The following TRANK1 variants were observed in gnomAD, a reference collection of about 807,000 sequenced individuals.
TRANK1 encodes TPR and ankyrin repeat-containing protein 1.
In TRANK1, 198 loss-of-function variants were observed where a neutral mutation model predicts 266.0. The observed-to-expected ratio is 0.74, with a 90% CI of 0.66 to 0.84. The LOEUF (loss-of-function observed/expected upper bound fraction) is 0.84. Among genes scored for constraint, TRANK1 ranks in the 40% least tolerant of loss-of-function variants. The pLI, the probability that TRANK1 is intolerant of heterozygous loss-of-function variation, is 0.00. For synonymous variants in TRANK1, 1,396 were observed against 1,384.1 expected (o/e 1.01, Z -0.19); for missense variants, 3,326 against 3,634.6 (o/e 0.92, Z 2.18).
chr3:36,827,606 T>C lies in TRANK1; in HGVS notation c.*669A>G, dbSNP rs1220520313. On this transcript the variant is annotated 3_prime_UTR_variant, in exon 24 of 24. Transcript: ENST00000645898. ...AACACTGGGTGAATTCTTGACTACA[T>C]TCTGAGGTAGTCTAACTGTGACTTG... The C allele has an allele frequency of 2.0e-5, 3 of 152,298 alleles. No homozygotes were observed. Among genetic ancestry groups the C allele is most frequent in the Non-Finnish European group, 4.4e-5 (3 of 68,020 alleles). 9.4% of individuals were successfully genotyped at this position (152,298 alleles called of 1,614,324 possible). A position where few individuals can be genotyped will look rare whatever the true frequency, so the allele number is the denominator to read the frequency against.
chr3:36,835,056 A>T, intron 20 of TRANK1, 149 bp from the exon 21 acceptor site: 1 of 822,350 alleles, frequency 1.2e-6, no homozygotes, highest in South Asian at 2.1e-5. Context: ...GTGGTGGCTC[A>T]CGCCTGTAAT....
chr3:36,870,418 A>AG (rs1422917287), intron 9 of TRANK1, among the ~76,000 whole-genome samples: 1 of 131,906 alleles, frequency 7.6e-6, no homozygotes, highest in Non-Finnish European at 1.6e-5. Context: ...AAAAAAAAAA[A>AG]AAAGAGAGAG....
Position 36,834,771 on chromosome 3 carries a change from G to A in TRANK1, c.5654C>T (p.Ala1885Val). The A allele has an allele frequency of 6.2e-7, 1 of 1,611,032 alleles. No homozygotes were observed. Among genetic ancestry groups the A allele is most frequent in the Non-Finnish European group, 8.5e-7 (1 of 1,179,084 alleles). The change falls in exon 21 of 24, where the codon GCA (alanine) becomes GTA (valine). Residue 1885 changes from alanine (A) to valine (V), a missense_variant. By Grantham distance (64) the Ala-to-Val change is moderately conservative. Coordinates refer to ENST00000645898, the MANE Select transcript of TRANK1 (RefSeq NM_001329998.2). Reference protein sequence around the residue: ...QEELFEEAAIAVEKYEEMLKT... With the variant: ...QEELFEEAAIVVEKYEEMLKT... ...GAATAAAACCACCTACTTTTCCACT[G>A]CAATAGCAGCTTCTTCAAAAAGCTC...
At chr3:36,869,823 C>A (rs546271702) in intron 9 of TRANK1, among the ~76,000 whole-genome samples, 8 of 152,368 alleles carry the variant, frequency 5.3e-5, no homozygotes, top group African/African-American at 1.9e-4. Context: ...CACATTTCAA[C>A]TGCTCAACAG....
chr3:36,942,444 G>T (rs1270276153), intron 1 of TRANK1, among the ~76,000 whole-genome samples: 4 of 141,924 alleles, frequency 2.8e-5, no homozygotes, highest in Admixed American at 7.6e-5. Flanking sequence ...TGAATCCAAG[G>T]CTGCAGTAGG....
chr3:36,867,854 G>T (rs1388342573), intron 9 of TRANK1, among the ~76,000 whole-genome samples: 1 of 152,202 alleles, frequency 6.6e-6, no homozygotes, highest in Non-Finnish European at 1.5e-5. Flanking sequence ...ACATCGATGA[G>T]AAAACAAATT....
chr3:36,916,870 C>T (rs2080133756), intron 1 of TRANK1, among the ~76,000 whole-genome samples: 1 of 151,568 alleles, frequency 6.6e-6, no homozygotes, highest in South Asian at 2.1e-4. Flanking sequence ...GCCTGGAGTG[C>T]AGTGGTGCAA....
At chr3:36,905,240 G>A (rs1368853022) in intron 2 of TRANK1, among the ~76,000 whole-genome samples, 23 of 150,030 alleles carry the variant, frequency 1.5e-4, no homozygotes, top group East Asian at 1.4e-3. Context: ...GCAGTGAGCC[G>A]AGATCGTGCC....
Position 36,833,133 on chromosome 3 carries a change from C to G in TRANK1, c.6450G>C (p.Glu2150Asp), listed in dbSNP as rs545333589. Residue 2150 changes from glutamate (E) to aspartate (D), a missense_variant, in exon 22 of 24, where the codon GAG (glutamate) becomes GAC (aspartate). Physicochemically the swap from Glu to Asp is conservative, Grantham distance 45. Coordinates refer to ENST00000645898, the MANE Select transcript of TRANK1 (RefSeq NM_001329998.2). Reference sequence around the variant, plus strand: ...TCAAAAAATGATCTTTTGTTTTTTTCTCTCTCAAGTTCAAATCCAGGTCAA... The same window carrying G: ...TCAAAAAATGATCTTTTGTTTTTTTGTCTCTCAAGTTCAAATCCAGGTCAA... ...IIFDLDLNLREKKTKDHFLIM... is the reference protein window; with the variant it reads ...IIFDLDLNLRDKKTKDHFLIM... The G allele has an allele frequency of 6.2e-7, 1 of 1,612,690 alleles. No homozygotes were observed. The highest frequency in any genetic ancestry group is 1.3e-5 in the African/African-American group (1 of 74,970).
Position 36,855,958 on chromosome 3 carries a change from G to A in TRANK1, c.3764C>T (p.Ala1255Val), listed in dbSNP as rs1240116726. 2.5e-6 allele frequency: 4 copies of A among 1,613,450 alleles called. No individual in the cohort carries two copies. Among genetic ancestry groups the A allele is most frequent in the Non-Finnish European group, 3.4e-6 (4 of 1,179,858 alleles). Residue 1255 changes from alanine to valine, a missense_variant, in exon 13 of 24, where the codon GCT becomes GTT. Ala to Val is a moderately conservative substitution (Grantham distance 64). Coordinates refer to ENST00000645898, the MANE Select transcript of TRANK1 (RefSeq NM_001329998.2). ...TSKQLLLLLDASLPKPFFLRN... is the reference protein window; with the variant it reads ...TSKQLLLLLDVSLPKPFFLRN... Reference sequence around the variant, plus strand: ...CAGAAAAAATGGTTTGGGCAGAGAAGCATCAAGCAGAAGAAGCAGCTGCTT... The same window carrying A: ...CAGAAAAAATGGTTTGGGCAGAGAAACATCAAGCAGAAGAAGCAGCTGCTT...
chr3:36,901,358 C>A (rs1284468959), intron 3 of TRANK1, among the ~76,000 whole-genome samples: 1 of 152,196 alleles, frequency 6.6e-6, no homozygotes. Flanking sequence ...CTGGCCTGAA[C>A]AAACCTTGCT....
intron 23 of TRANK1, 95 bp downstream of exon 23, chr3:36,829,469 T>C: frequency 1.7e-6 from 2 of 1,196,948 alleles, no homozygotes; most frequent in Non-Finnish European, 2.5e-6. Context: ...TTGACATCAC[T>C]GGGCTGCCCC....
chr3:36,866,648 A>C (rs767849495), intron 9 of TRANK1, among the ~76,000 whole-genome samples: 7 of 152,238 alleles, frequency 4.6e-5, no homozygotes, highest in African/African-American at 7.2e-5. Context: ...CACTAGCTGC[A>C]GGCTGCCTTT....
intron 1 of TRANK1, among the ~76,000 whole-genome samples, chr3:36,935,737 G>C (rs966523900): frequency 3.9e-5 from 6 of 152,054 alleles, no homozygotes; most frequent in African/African-American, 1.4e-4. Context: ...GTGAGTCACC[G>C]CACACGGCCA....
chr3:36,896,417 T>C (rs1405183118), intron 4 of TRANK1, among the ~76,000 whole-genome samples: 1 of 152,210 alleles, frequency 6.6e-6, no homozygotes, highest in Non-Finnish European at 1.5e-5. Flanking sequence ...AAAAAATAAG[T>C]AAATATCAAA....
At chr3:36,918,594 GGAAGGAAGGAAGGAAAGAAAGAAAGAAA>G (rs2080168217) in intron 1 of TRANK1, among the ~76,000 whole-genome samples, 1 of 64,294 alleles carries the variant, frequency 1.6e-5, no homozygotes, top group Non-Finnish European at 3.2e-5. Context: ...AAGGAAGGAA[GGAAGGAAGGAAGGAAAGAAAGAAAGAAA>G]GAAAGAAAGA....
intron 3 of TRANK1, 136 bp from the exon 4 acceptor site, chr3:36,899,395 C>T: frequency 1.0e-6 from 1 of 961,044 alleles, no homozygotes; most frequent in East Asian, 2.7e-5. Context: ...TGGCTCATGC[C>T]TGTAATCCTA....
intron 5 of TRANK1, among the ~76,000 whole-genome samples, chr3:36,895,420 G>A (rs2079774398): frequency 6.6e-6 from 1 of 152,120 alleles, no homozygotes; most frequent in Admixed American, 6.6e-5. Context: ...TGATGACAGT[G>A]GAGACACAGA....
At chr3:36,845,958 T>G (rs191649451) in intron 17 of TRANK1, among the ~76,000 whole-genome samples, 4 of 152,302 alleles carry the variant, frequency 2.6e-5, no homozygotes, top group African/African-American at 9.6e-5. Flanking sequence ...CAAACACTCA[T>G]AGCACTTTGT....
Sources: allele counts gnomAD v4.1 joint callset (sites outside exome capture counted in the v4.1 genomes callset), GRCh38; gene constraint gnomAD v4.1.1; transcripts MANE v1.5; gene names NCBI Gene and HGNC (gene_info 2026-07-23, HGNC 2026-07-21).